The following ARHGAP28 variants were observed in gnomAD, a reference collection of about 807,000 sequenced individuals.
The protein encoded by ARHGAP28 is rho GTPase-activating protein 28.
A neutral mutation model predicts 90.7 loss-of-function variants in ARHGAP28; 56 were observed. That is an observed-to-expected ratio of 0.62 (90% CI 0.50 to 0.77). The LOEUF (loss-of-function observed/expected upper bound fraction) is 0.77, where lower values mean the gene tolerates loss of function less well. Among genes scored for constraint, ARHGAP28 ranks in the 30% least tolerant of loss-of-function variants. The probability of loss-of-function intolerance (pLI) is 0.00; values close to 1 mark genes in which losing one functional copy is unlikely to be tolerated. For synonymous variants in ARHGAP28, 308 were observed against 323.3 expected, an observed-to-expected ratio of 0.95 and a Z score of 0.51; for missense variants, 869 against 900.9, an observed-to-expected ratio of 0.96 and a Z score of 0.45.
intron 6 of ARHGAP28, 71 bp from the exon 7 acceptor site, chr18:6,870,519 G>T: frequency 6.9e-7 from 1 of 1,440,206 alleles, no homozygotes; most frequent in South Asian, 1.2e-5. Context: ...TTTTGAATTT[G>T]TTTTATAGCA....
At chr18:6,885,845 C>T (rs1275660414) in intron 11 of ARHGAP28, among the ~76,000 whole-genome samples, 1 of 146,694 alleles carries the variant, frequency 6.8e-6, no homozygotes. Flanking sequence ...AGAGACAGTC[C>T]TCAGCCTGCA....
intron 1 of ARHGAP28, among the ~76,000 whole-genome samples, chr18:6,766,328 A>G (rs925503180): frequency 4.6e-5 from 7 of 152,328 alleles, no homozygotes; most frequent in African/African-American, 1.7e-4. Context: ...GATGAATTCA[A>G]TAATTTATCA....
chr18:6,762,293 A>G (rs947651003), intron 1 of ARHGAP28, among the ~76,000 whole-genome samples: 1 of 152,198 alleles, frequency 6.6e-6, no homozygotes, highest in African/African-American at 2.4e-5. Flanking sequence ...TTGAAATTCT[A>G]TAATGGTTTT....
intron 1 of ARHGAP28, among the ~76,000 whole-genome samples, chr18:6,778,456 A>T (rs564767538): frequency 6.6e-6 from 1 of 152,324 alleles, no homozygotes; most frequent in East Asian, 1.9e-4. Flanking sequence ...ACTGCATCAG[A>T]AACAATACTG....
intron 1 of ARHGAP28, 73 bp downstream of exon 1, chr18:6,730,016 T>C (rs2055862803): frequency 1.6e-6 from 2 of 1,276,130 alleles, no homozygotes; most frequent in Admixed American, 4.2e-5. Flanking sequence ...AGCTGCGCCT[T>C]GTGCCTGAGC....
At chr18:6,911,428 T>A (rs1173921962) in intron 17 of ARHGAP28, among the ~76,000 whole-genome samples, 4 of 108,750 alleles carry the variant, frequency 3.7e-5, no homozygotes, top group Non-Finnish European at 5.9e-5. Flanking sequence ...GTTCTTGCCA[T>A]ATTTTTCTTT....
intron 3 of ARHGAP28, among the ~76,000 whole-genome samples, chr18:6,848,873 G>A (rs1425209412): frequency 6.6e-6 from 1 of 152,042 alleles, no homozygotes; most frequent in Non-Finnish European, 1.5e-5. Flanking sequence ...CTGTTTCCCA[G>A]TCTCCCCATG....
Position 6,914,548 on chromosome 18 carries a change from C to T in ARHGAP28, c.*2394C>T, listed in dbSNP as rs1387070413. ...TAAACAAACCCCTACAGTTAAAATGCAAAGATGCCTGTCATCTAAGTATTG... is the reference window on the plus strand; with the variant it reads ...TAAACAAACCCCTACAGTTAAAATGTAAAGATGCCTGTCATCTAAGTATTG... On this transcript the variant is annotated 3_prime_UTR_variant, in exon 18 of 18. Transcript: ENST00000383472. 6.6e-6 allele frequency: 1 copy of T among 151,682 alleles called. No individual in the cohort carries two copies. Among genetic ancestry groups the T allele is most frequent in the African/African-American group, 2.4e-5 (1 of 41,246 alleles). The allele number at this position is 151,682 out of a possible 1,614,324, so 9.4% of individuals were successfully genotyped here. A position where few individuals can be genotyped will look rare whatever the true frequency, so the allele number is the denominator to read the frequency against.
At chr18:6,791,979 A>G (rs566231439) in intron 1 of ARHGAP28, among the ~76,000 whole-genome samples, 1 of 152,112 alleles carries the variant, frequency 6.6e-6, no homozygotes, top group Non-Finnish European at 1.5e-5. Flanking sequence ...TTGTATTTTT[A>G]GTAGACGAGG....
Position 6,887,179 on chromosome 18 carries a change from G to A in ARHGAP28, c.1476G>A (p.Gln492=), listed in dbSNP as rs1392846701. The change falls in exon 12 of 18, where the codon CAG becomes CAA. Residue 492 remains glutamine (Q), a synonymous_variant. Transcript: ENST00000383472. The part of the protein sequence containing the change: ...LMERGPHVKV[Q]FQALHLMVMA... ...TAGGAGGGCCTCACGTCAAAGTACA[G>A]TTTCAAGCCTTACACCTCATGGTCA... 1 of 1,614,206 alleles carries A rather than the reference G, an allele frequency of 6.2e-7. No individual in the cohort carries two copies. The highest frequency in any genetic ancestry group is 8.5e-7 in the Non-Finnish European group (1 of 1,180,034).
intron 1 of ARHGAP28, among the ~76,000 whole-genome samples, chr18:6,779,842 T>G (rs2056310909): frequency 6.6e-6 from 1 of 152,244 alleles, no homozygotes; most frequent in African/African-American, 2.4e-5. Context: ...TCTAACAGGC[T>G]TCTGAAAGAA....
intron 4 of ARHGAP28, 122 bp from the exon 5 acceptor site, chr18:6,859,686 C>T: frequency 1.0e-6 from 1 of 969,720 alleles, no homozygotes; most frequent in Non-Finnish European, 1.6e-6. Context: ...ATTGTCCATG[C>T]ACAGGCAGTC....
At chr18:6,824,452 G>A (rs914387830) in intron 1 of ARHGAP28, among the ~76,000 whole-genome samples, 2 of 152,022 alleles carry the variant, frequency 1.3e-5, no homozygotes, top group Non-Finnish European at 2.9e-5. Flanking sequence ...CAGGAGAATC[G>A]CTTGAACCCA....
intron 1 of ARHGAP28, among the ~76,000 whole-genome samples, chr18:6,785,717 C>T (rs550586527): frequency 2.6e-5 from 4 of 152,280 alleles, no homozygotes; most frequent in South Asian, 4.2e-4. Context: ...AAGGGATTAC[C>T]GTGCCTGTGA....
rs551958909 is a variant in ARHGAP28 at position 6,822,442 on chromosome 18, TTA to T, written c.123-2319_123-2318del. 2.2e-3 allele frequency among the ~76,000 whole-genome samples: 333 copies of T among 152,268 alleles called. 1 individual carries two copies. The highest frequency in any genetic ancestry group is 7.8e-3 in the African/African-American group (325 of 41,552). On this transcript the variant is annotated intron_variant, in intron 1 of 17. Transcript: ENST00000383472. ...ATGAGTTTGTGGGTGTTTTTCAGTA[TTA>T]GTCTTATTGCAAAAGGAAAAAGTCT...
intron 11 of ARHGAP28, 127 bp from the exon 12 acceptor site, chr18:6,887,030 C>A: frequency 1.3e-6 from 1 of 780,902 alleles, no homozygotes; most frequent in Non-Finnish European, 2.2e-6. Flanking sequence ...TTGCTGGGCA[C>A]AAAACCTGAG....
At chr18:6,795,334 G>A (rs1386400961) in intron 1 of ARHGAP28, among the ~76,000 whole-genome samples, 2 of 152,110 alleles carry the variant, frequency 1.3e-5, no homozygotes, top group African/African-American at 4.8e-5. Flanking sequence ...TGATGGTGAC[G>A]AGATGGGAGG....
intron 1 of ARHGAP28, among the ~76,000 whole-genome samples, chr18:6,765,589 T>C (rs2056193909): frequency 6.6e-6 from 1 of 152,124 alleles, no homozygotes; most frequent in African/African-American, 2.4e-5. Flanking sequence ...TTTTCTATTG[T>C]TTGCCTGCTT....
intron 3 of ARHGAP28, among the ~76,000 whole-genome samples, chr18:6,841,078 C>T (rs1258701807): frequency 2.0e-5 from 3 of 150,914 alleles, no homozygotes; most frequent in African/African-American, 7.4e-5. Flanking sequence ...ACACCAATTC[C>T]TCTGTTCCTC....
Sources: allele counts gnomAD v4.1 joint callset (sites outside exome capture counted in the v4.1 genomes callset), GRCh38; gene constraint gnomAD v4.1.1; transcripts MANE v1.5; gene names NCBI Gene and HGNC (gene_info 2026-07-23, HGNC 2026-07-21).